The following CPNE4 variants were observed in gnomAD, a reference collection of about 807,000 sequenced individuals.
CPNE4 encodes copine 4, also known as copine-4.
Under a neutral mutation model 67.9 loss-of-function variants are expected in CPNE4, and 25 were observed. The ratio of observed to expected loss-of-function variants is 0.37; its 90% CI spans 0.27 to 0.51. The LOEUF is 0.51. Among genes scored for constraint, CPNE4 ranks in the 20% least tolerant of loss-of-function variants. CPNE4 has a pLI of 0.93. For synonymous variants in CPNE4, 242 were observed against 244.9 expected, an observed-to-expected ratio of 0.99 and a Z score of 0.11; for missense variants, 464 against 690.8, an observed-to-expected ratio of 0.67 and a Z score of 3.68.
intron 2 of CPNE4, among the ~76,000 whole-genome samples, chr3:131,813,975 T>C (rs1393812393): frequency 6.6e-6 from 1 of 152,218 alleles, no homozygotes; most frequent in Non-Finnish European, 1.5e-5. Context: ...GATTTCTATC[T>C]GACTGACACA....
At chr3:131,734,451 GAGA>G (rs774045047) in intron 2 of CPNE4, among the ~76,000 whole-genome samples, 66 of 152,308 alleles carry the variant, frequency 4.3e-4, no homozygotes, top group Non-Finnish European at 8.5e-4. Context: ...TGAATTTAGT[GAGA>G]AGAATGATCA....
chr3:131,909,703 C>G (rs1328860336), intron 1 of CPNE4, among the ~76,000 whole-genome samples: 1 of 152,040 alleles, frequency 6.6e-6, no homozygotes, highest in African/African-American at 2.4e-5. Flanking sequence ...TAGTGGCAAT[C>G]TTATACATGT....
At chr3:131,879,820 C>A (rs899361734) in intron 2 of CPNE4, among the ~76,000 whole-genome samples, 14 of 152,234 alleles carry the variant, frequency 9.2e-5, no homozygotes, top group Admixed American at 2.6e-4. Context: ...TGAGGTCAGA[C>A]CTTTGCACAC....
intron 1 of CPNE4, among the ~76,000 whole-genome samples, chr3:131,925,133 G>C (rs2613991): frequency 1.4e-5 from 2 of 148,098 alleles, no homozygotes; most frequent in Non-Finnish European, 3.0e-5. Flanking sequence ...CTCTCTCTCT[G>C]ATTCTCTCTC....
At chr3:131,932,411 C>G (rs1458477695) in intron 1 of CPNE4, among the ~76,000 whole-genome samples, 1 of 152,006 alleles carries the variant, frequency 6.6e-6, no homozygotes, top group Non-Finnish European at 1.5e-5. Context: ...ATGTTCCGTG[C>G]TAGGTACTCA....
intron 2 of CPNE4, among the ~76,000 whole-genome samples, chr3:131,732,641 A>G (rs2082154498): frequency 6.6e-6 from 1 of 152,132 alleles, no homozygotes; most frequent in Non-Finnish European, 1.5e-5. Context: ...GCTTCTGACT[A>G]TTGCTAGTCC....
rs1236905210 is a variant in CPNE4, at chr3:131,587,596, C to T, written c.682-14G>A. 1 of 1,575,870 alleles carries T rather than the reference C, an allele frequency of 6.3e-7. No homozygotes were observed. Among genetic ancestry groups the T allele is most frequent in the Non-Finnish European group, 8.7e-7 (1 of 1,147,682 alleles). On this transcript the variant is annotated splice_polypyrimidine_tract_variant and intron_variant, in intron 7 of 15. Coordinates refer to ENST00000429747, the MANE Select transcript of CPNE4 (RefSeq NM_130808.3). The stretch of plus-strand genomic sequence containing the variant: ...CCATACTATGCACTGTAAGAGAAAA[C>T]AATGATCTTTCTTAAAAAATTAAGA...
At chr3:131,708,055 C>A (rs1048769349) in intron 3 of CPNE4, among the ~76,000 whole-genome samples, 1 of 149,394 alleles carries the variant, frequency 6.7e-6, no homozygotes, top group African/African-American at 2.5e-5. Flanking sequence ...TTCAATAAAT[C>A]CCCATGTAGA....
chr3:131,569,561 T>A (rs1294554675), intron 10 of CPNE4, among the ~76,000 whole-genome samples: 1 of 150,712 alleles, frequency 6.6e-6, no homozygotes, highest in African/African-American at 2.4e-5. Context: ...TCACTTGAGC[T>A]CAGGAGTTTA....
chr3:131,595,989 C>T (rs1056813728), intron 7 of CPNE4, among the ~76,000 whole-genome samples: 17 of 152,066 alleles, frequency 1.1e-4, no homozygotes, highest in African/African-American at 3.4e-4. Flanking sequence ...TGGAAGGTGG[C>T]GAACTGGGGA....
In CPNE4 at chr3:131,546,084, C is replaced by A. The variant is rs184275031; in HGVS notation, c.1303-3291G>T. Among the ~76,000 whole-genome samples, 51 of 151,888 alleles carry A rather than the reference C, an allele frequency of 3.4e-4. No homozygotes were observed. The South Asian group carries it at 3.8e-3, about 11-fold the overall frequency. ...AACAAAACACAAAAAACCACACACACAAAAAAACACAAAAAACCACTTCTG... is the reference window on the plus strand; with the variant it reads ...AACAAAACACAAAAAACCACACACAAAAAAAAACACAAAAAACCACTTCTG... On this transcript the variant is annotated intron_variant, in intron 14 of 15. Transcript: ENST00000429747.
chr3:131,565,545 A>G (rs1244142129), intron 10 of CPNE4, among the ~76,000 whole-genome samples: 2 of 152,030 alleles, frequency 1.3e-5, no homozygotes, highest in Non-Finnish European at 2.9e-5. Flanking sequence ...TTGATGGGGA[A>G]AAAAATGTTA....
intron 3 of CPNE4, among the ~76,000 whole-genome samples, chr3:131,710,451 C>A (rs1052301477): frequency 3.3e-5 from 5 of 152,064 alleles, no homozygotes; most frequent in Admixed American, 3.3e-4. Flanking sequence ...TCTCTGTGGG[C>A]AGTTTTACAG....
At chr3:131,715,291 C>T (rs1583067048) in intron 3 of CPNE4, among the ~76,000 whole-genome samples, 1 of 152,278 alleles carries the variant, frequency 6.6e-6, no homozygotes, top group South Asian at 2.1e-4. Context: ...GCCCATTTAT[C>T]TGCAAAAGGA....
chr3:131,785,678 TC>T (rs1441260202), intron 2 of CPNE4, among the ~76,000 whole-genome samples: 3 of 27,114 alleles, frequency 1.1e-4, no homozygotes, highest in African/African-American at 2.5e-4. Context: ...TCTTTCTCTC[TC>T]TCTCTCTCTC....
At chr3:131,973,564 CA>C (rs2072560247) in intron 1 of CPNE4, among the ~76,000 whole-genome samples, 1 of 152,146 alleles carries the variant, frequency 6.6e-6, no homozygotes, top group Non-Finnish European at 1.5e-5. Context: ...AGCTGAGAAT[CA>C]AAAAGTTTAA....
At chr3:131,993,142 GA>G (rs1461058589) in intron 1 of CPNE4, among the ~76,000 whole-genome samples, 2 of 135,736 alleles carry the variant, frequency 1.5e-5, no homozygotes, top group African/African-American at 4.9e-5. Context: ...AGAGAATGAA[GA>G]ATTGCATTAC....
chr3:131,661,011 C>A (rs1213220678), intron 7 of CPNE4, among the ~76,000 whole-genome samples: 1 of 152,106 alleles, frequency 6.6e-6, no homozygotes, highest in African/African-American at 2.4e-5. Context: ...ATAGAAGCAA[C>A]CTGAGTTACT....
At chr3:131,850,252 G>A (rs1299731023) in intron 2 of CPNE4, among the ~76,000 whole-genome samples, 1 of 152,056 alleles carries the variant, frequency 6.6e-6, no homozygotes. Flanking sequence ...GGTTTTTGAT[G>A]TAGGGTTATG....
Sources: gnomAD v4.1 joint callset for allele counts (sites outside exome capture counted in the v4.1 genomes callset) on GRCh38, gnomAD v4.1.1 for gene constraint, MANE v1.5 for transcripts, NCBI Gene and HGNC (gene_info 2026-07-23, HGNC 2026-07-21) for gene names.